The following STAU2 variants were observed in gnomAD, a reference collection of about 807,000 sequenced individuals.
The protein encoded by STAU2 is staufen double-stranded RNA binding protein 2.
In STAU2, 20 loss-of-function variants were observed where a neutral mutation model predicts 65.9. The observed-to-expected ratio is 0.30, with a 90% confidence interval of 0.21 to 0.44. The LOEUF (loss-of-function observed/expected upper bound fraction) is 0.44. Ranked by LOEUF, STAU2 falls within the 20% of genes least tolerant of loss-of-function variation. The probability of loss-of-function intolerance (pLI) is 1.00; values close to 1 mark genes in which losing one functional copy is unlikely to be tolerated. For missense variants in STAU2, 558 were observed against 683.9 expected (o/e 0.82, Z 2.05); for synonymous variants, 232 against 233.9 (o/e 0.99, Z 0.07).
At chr8:73,744,973 C>G (rs1807171093) in intron 1 of STAU2, among the ~76,000 whole-genome samples, 1 of 152,148 alleles carries the variant, frequency 6.6e-6, no homozygotes, top group Non-Finnish European at 1.5e-5. Flanking sequence ...TTGGATTACA[C>G]AGCAACATTC....
At chr8:73,478,276 T>C (rs1413342416) in intron 13 of STAU2, among the ~76,000 whole-genome samples, 2 of 67,766 alleles carry the variant, frequency 3.0e-5, no homozygotes, top group Admixed American at 1.9e-4. Flanking sequence ...ACACATAAAA[T>C]ACACTAACAC....
At chr8:73,647,578 C>T (rs921822447) in intron 6 of STAU2, among the ~76,000 whole-genome samples, 3 of 150,668 alleles carry the variant, frequency 2.0e-5, no homozygotes, top group Non-Finnish European at 3.0e-5. Flanking sequence ...AATAATTCTG[C>T]ATCTTTTTTT....
intron 12 of STAU2, among the ~76,000 whole-genome samples, chr8:73,566,329 A>T (rs1449983166): frequency 6.6e-6 from 1 of 152,220 alleles, no homozygotes; most frequent in African/African-American, 2.4e-5. Context: ...TGGCTGTGTC[A>T]CTGATGTAAT....
intron 4 of STAU2, among the ~76,000 whole-genome samples, chr8:73,704,043 C>T (rs892491620): frequency 1.3e-5 from 2 of 152,148 alleles, no homozygotes; most frequent in African/African-American, 4.8e-5. Flanking sequence ...TCCTATACTT[C>T]CACTGCAAAT....
chr8:73,715,439 G>C (rs149771890), intron 3 of STAU2, among the ~76,000 whole-genome samples: 25 of 121,964 alleles, frequency 2.0e-4, no homozygotes, highest in African/African-American at 7.0e-4. Context: ...CTGGGCAACA[G>C]AGTGAGACTG....
At chr8:73,457,555 T>C (rs16938661) in intron 13 of STAU2, among the ~76,000 whole-genome samples, 6,183 of 152,312 alleles carry the variant, frequency 0.041, 417 homozygotes, top group African/African-American at 0.14. Flanking sequence ...AAAAAAGATA[T>C]GCCGCCAAAA....
chr8:73,560,996 T>C (rs1808185649), intron 12 of STAU2, among the ~76,000 whole-genome samples: 1 of 150,978 alleles, frequency 6.6e-6, no homozygotes, highest in Admixed American at 6.6e-5. Flanking sequence ...TCATTCATCT[T>C]TTTTTTTTAA....
At chr8:73,593,027 T>C (rs1810935867) in intron 11 of STAU2, among the ~76,000 whole-genome samples, 1 of 152,132 alleles carries the variant, frequency 6.6e-6, no homozygotes, top group Admixed American at 6.5e-5. Context: ...CAGGTAGTCT[T>C]TCCTCCTCTT....
intron 13 of STAU2, among the ~76,000 whole-genome samples, chr8:73,452,291 C>T (rs1320778657): frequency 2.0e-5 from 3 of 152,314 alleles, no homozygotes; most frequent in East Asian, 1.9e-4. Flanking sequence ...AGAGGGGCTT[C>T]GCTGCACACT....
At chr8:73,629,092 T>C (rs566199392) in intron 6 of STAU2, among the ~76,000 whole-genome samples, 2 of 152,382 alleles carry the variant, frequency 1.3e-5, no homozygotes, top group East Asian at 3.9e-4. Flanking sequence ...AATTTAGTCA[T>C]ACATTTGCAT....
At chr8:73,494,697 A>G (rs370486643) in intron 13 of STAU2, among the ~76,000 whole-genome samples, 7 of 151,810 alleles carry the variant, frequency 4.6e-5, no homozygotes, top group East Asian at 3.9e-4. Context: ...GTAGTTTTGC[A>G]CCACCTTCTA....
rs1304964974 is a variant in STAU2 at position 73,617,293 on chromosome 8, TGAG to T, written c.566_568del (p.Pro189del). ...CTGTCACATGCAGCAGCACCACACC[TGAG>T]GAGATCTTTCTGGAATAGGTTCATT... On this transcript the variant is annotated inframe_deletion and splice_region_variant, in exon 7 of 15. Transcript: ENST00000524300. 1 of 1,613,806 alleles carries T rather than the reference TGAG, an allele frequency of 6.2e-7. No individual in the cohort carries two copies. The highest frequency in any genetic ancestry group is 1.3e-5 in the African/African-American group (1 of 74,902).
intron 3 of STAU2, among the ~76,000 whole-genome samples, chr8:73,717,556 T>C (rs1821335282): frequency 6.6e-6 from 1 of 152,240 alleles, no homozygotes. Context: ...TCAAAATTAT[T>C]AGTTATCTAC....
At chr8:73,655,944 G>A (rs1247690982) in intron 6 of STAU2, among the ~76,000 whole-genome samples, 1 of 151,074 alleles carries the variant, frequency 6.6e-6, no homozygotes, top group African/African-American at 2.4e-5. Context: ...CACTGCGCTG[G>A]GCTAATTTTT....
intron 9 of STAU2, among the ~76,000 whole-genome samples, chr8:73,605,842 T>TACACACACAC (rs1176899097): frequency 2.9e-4 from 34 of 118,386 alleles, no homozygotes; most frequent in South Asian, 8.9e-4. Flanking sequence ...CACATACACA[T>TACACACACAC]ACACACACAC....
chr8:73,652,234 A>T (rs12680541), intron 6 of STAU2: 1 of 151,980 alleles, frequency 6.6e-6, no homozygotes, highest in South Asian at 2.1e-4. Flanking sequence ...ATTTCATAGA[A>T]GTATGCATTA....
intron 6 of STAU2, among the ~76,000 whole-genome samples, chr8:73,671,567 G>C (rs1047594971): frequency 6.6e-6 from 1 of 151,790 alleles, no homozygotes. Context: ...TCCCCTTATA[G>C]TAATATAAGG....
intron 6 of STAU2, among the ~76,000 whole-genome samples, chr8:73,655,945 G>T (rs776410183): frequency 6.6e-6 from 1 of 151,910 alleles, no homozygotes; most frequent in Admixed American, 6.6e-5. Flanking sequence ...ACTGCGCTGG[G>T]CTAATTTTTT....
chr8:73,577,383 C>T (rs537750535), intron 12 of STAU2, among the ~76,000 whole-genome samples: 3 of 150,078 alleles, frequency 2.0e-5, no homozygotes, highest in African/African-American at 4.9e-5. Context: ...GCCAAGATTG[C>T]GCCACTGCAC....
Sources: allele counts gnomAD v4.1 joint callset (sites outside exome capture counted in the v4.1 genomes callset), GRCh38; gene constraint gnomAD v4.1.1; transcripts MANE v1.5; gene names NCBI Gene and HGNC (gene_info 2026-07-23, HGNC 2026-07-21).